PHEX: variants seen among roughly 807,000 people sequenced by gnomAD.
The protein encoded by PHEX is phosphate-regulating neutral endopeptidase PHEX.
A neutral mutation model predicts 68.0 loss-of-function variants in PHEX; 16 were observed. That is an observed-to-expected ratio of 0.24 (90% CI 0.16 to 0.36). PHEX has a LOEUF of 0.36. Ranked by LOEUF, PHEX falls within the 10% of genes least tolerant of loss-of-function variation. The pLI is 1.00. For synonymous variants in PHEX, 208 were observed against 205.1 expected (o/e 1.01, Z -0.12); for missense variants, 480 against 575.5 (o/e 0.83, Z 1.70).
At chrX:22,129,478 C>G (rs1478436188) in intron 11 of PHEX, among the ~76,000 whole-genome samples, 1 of 111,471 alleles carries the variant, frequency 9.0e-6, no homozygotes, top group Non-Finnish European at 1.9e-5. Flanking sequence ...GGTCTCAATC[C>G]TATTTCATGG....
intron 12 of PHEX, among the ~76,000 whole-genome samples, chrX:22,164,753 C>T (rs753778884): frequency 1.8e-5 from 2 of 112,228 alleles, no homozygotes; most frequent in South Asian, 7.3e-4. Flanking sequence ...TTATAGCGAG[C>T]TGATAAAATA....
chrX:22,143,486 G>A (rs1340649658), intron 12 of PHEX, among the ~76,000 whole-genome samples: 1 of 111,708 alleles, frequency 9.0e-6, no homozygotes, highest in Non-Finnish European at 1.9e-5. Context: ...ACAGTGTTGT[G>A]TGATCACCAC....
At position 22,054,337 on chromosome X, in the gene PHEX, G is replaced by A. The variant is rs764173951; in HGVS notation, c.349+7126G>A. Among the ~76,000 whole-genome samples, 714 of 111,242 alleles carry A rather than the reference G, an allele frequency of 6.4e-3. 8 individuals are homozygous for A. Among genetic ancestry groups the A allele is most frequent in the African/African-American group, 0.022 (669 of 30,547 alleles). ...TTTAGTAGAGACAGAGTTTCCTCAT[G>A]TCGGCCAGGCTGGTCTTGAACTCTT... On this transcript the variant is annotated intron_variant, in intron 3 of 21. Transcript: ENST00000379374.
chrX:22,233,105 T>C (rs1935826075), intron 20 of PHEX, among the ~76,000 whole-genome samples: 1 of 111,967 alleles, frequency 8.9e-6, no homozygotes, highest in African/African-American at 3.3e-5. Context: ...TTCTTTTCTT[T>C]TCTTTGAGAT....
chrX:22,169,987 A>G (rs1225857468), intron 13 of PHEX: 1 of 112,445 alleles, frequency 8.9e-6, no homozygotes, highest in Non-Finnish European at 1.9e-5. Context: ...TTTGCGGATC[A>G]ATATGGACCA....
intron 18 of PHEX, among the ~76,000 whole-genome samples, chrX:22,223,122 A>C (rs1287869963): frequency 8.9e-6 from 1 of 112,192 alleles, no homozygotes; most frequent in East Asian, 2.8e-4. Flanking sequence ...TAACCATCAG[A>C]AAACAGCTTC....
chrX:22,117,499 A>G (rs1181591619), intron 11 of PHEX, among the ~76,000 whole-genome samples: 3 of 111,855 alleles, frequency 2.7e-5, no homozygotes, highest in Non-Finnish European at 3.8e-5. Context: ...GGTCAGAGTA[A>G]ATAGATTGAG....
chrX:22,105,475 C>T (rs375311854), intron 9 of PHEX, among the ~76,000 whole-genome samples: 4 of 111,956 alleles, frequency 3.6e-5, no homozygotes, highest in South Asian at 3.7e-4. Context: ...TCTCAGATGA[C>T]GCTGAAGCTG....
chrX:22,186,574 A>T (rs1206918025), intron 14 of PHEX, among the ~76,000 whole-genome samples: 1 of 112,768 alleles, frequency 8.9e-6, no homozygotes, highest in Non-Finnish European at 1.9e-5. Flanking sequence ...TGGGCCCTGA[A>T]CAAATAGAAG....
At chrX:22,059,505 G>A (rs1265229831) in intron 3 of PHEX, among the ~76,000 whole-genome samples, 1 of 112,130 alleles carries the variant, frequency 8.9e-6, no homozygotes, top group Admixed American at 9.5e-5. Flanking sequence ...AAAAAGTTGT[G>A]CTGTGTTTTG....
intron 9 of PHEX, among the ~76,000 whole-genome samples, chrX:22,108,475 A>C (rs1222665006): frequency 9.0e-6 from 1 of 110,764 alleles, no homozygotes; most frequent in Non-Finnish European, 1.9e-5. Flanking sequence ...TTATCCATAT[A>C]ACCAAAAACC....
intron 2 of PHEX, among the ~76,000 whole-genome samples, chrX:22,040,654 G>T (rs1255291736): frequency 9.0e-6 from 1 of 111,446 alleles, no homozygotes; most frequent in Non-Finnish European, 1.9e-5. Context: ...CTTTCCAGGT[G>T]GGGGGAACAG....
intron 12 of PHEX, among the ~76,000 whole-genome samples, chrX:22,154,961 G>A (rs1352959154): frequency 1.8e-5 from 2 of 112,407 alleles, no homozygotes; most frequent in Admixed American, 1.9e-4. Context: ...GCCCAGGCTC[G>A]AGTGCAGTGG....
chrX:22,235,833 ATT>A (rs368174072), intron 20 of PHEX, among the ~76,000 whole-genome samples: 4 of 105,789 alleles, frequency 3.8e-5, no homozygotes, highest in African/African-American at 1.0e-4. Context: ...TGACTTCAGC[ATT>A]TTTTTTTTTA....
At chrX:22,105,301 G>C (rs992876739) in intron 9 of PHEX, among the ~76,000 whole-genome samples, 2 of 112,587 alleles carry the variant, frequency 1.8e-5, no homozygotes, top group Non-Finnish European at 3.8e-5. Context: ...AGCTGTGTGT[G>C]CAGAACGATG....
At chrX:22,162,171 C>T (rs1476805056) in intron 12 of PHEX, among the ~76,000 whole-genome samples, 1 of 111,912 alleles carries the variant, frequency 8.9e-6, no homozygotes, top group Non-Finnish European at 1.9e-5. Flanking sequence ...TCAAAAGAGT[C>T]CTCCAACTTT....
intron 16 of PHEX, among the ~76,000 whole-genome samples, chrX:22,213,189 G>C (rs138099920): frequency 2.7e-3 from 303 of 112,138 alleles, no homozygotes; most frequent in African/African-American, 9.0e-3. Flanking sequence ...TCATTTTTAT[G>C]CATTTATTCT....
intron 3 of PHEX, among the ~76,000 whole-genome samples, chrX:22,068,821 C>T (rs929710136): frequency 9.0e-6 from 1 of 111,493 alleles, no homozygotes; most frequent in African/African-American, 3.3e-5. Flanking sequence ...TTCCTTGTAA[C>T]GTTAAGATGG....
chrX:22,169,404 A>G (rs763077195), intron 13 of PHEX, among the ~76,000 whole-genome samples: 27 of 112,471 alleles, frequency 2.4e-4, no homozygotes, highest in Admixed American at 2.8e-4. Context: ...TATCGTAACT[A>G]AAAATATTGA....
Sources: gnomAD v4.1 joint callset for allele counts (sites outside exome capture counted in the v4.1 genomes callset) on GRCh38, gnomAD v4.1.1 for gene constraint, MANE v1.5 for transcripts, NCBI Gene and HGNC (gene_info 2026-07-23, HGNC 2026-07-21) for gene names.